The following PLB1 variants were observed in gnomAD, a reference collection of about 807,000 sequenced individuals.
PLB1 encodes phospholipase B1, membrane-associated.
In PLB1, 242 loss-of-function variants were observed where a neutral mutation model predicts 227.4. The observed-to-expected ratio is 1.06, with a 90% CI of 0.96 to 1.18. The LOEUF is 1.18. Ranked by LOEUF, PLB1 falls within the 50% of genes most tolerant of loss-of-function variation. PLB1 has a pLI of 0.00. For missense variants in PLB1, 1,858 were observed against 1,816.3 expected, an observed-to-expected ratio of 1.02 and a Z score of -0.42; for synonymous variants, 757 against 682.2, an observed-to-expected ratio of 1.11 and a Z score of -1.71.
chr2:28,549,582 A>AT (rs1673895659), intron 15 of PLB1, among the ~76,000 whole-genome samples: 2 of 151,520 alleles, frequency 1.3e-5, no homozygotes, highest in South Asian at 2.1e-4. Flanking sequence ...CACCCAGCTA[A>AT]TTTTTTTGTA....
At chr2:28,539,942 C>G (rs1040431940) in intron 11 of PLB1, among the ~76,000 whole-genome samples, 2 of 151,056 alleles carry the variant, frequency 1.3e-5, no homozygotes, top group Non-Finnish European at 3.0e-5. Flanking sequence ...CCCTCTATCC[C>G]ATAGCCACCC....
chr2:28,561,003 C>T (rs545247630), intron 17 of PLB1, among the ~76,000 whole-genome samples: 3 of 152,358 alleles, frequency 2.0e-5, no homozygotes, highest in African/African-American at 7.2e-5. Flanking sequence ...CCTCATCCTC[C>T]TGTTATTCCT....
intron 16 of PLB1, among the ~76,000 whole-genome samples, chr2:28,550,318 G>A (rs1306109995): frequency 1.3e-5 from 2 of 151,482 alleles, no homozygotes; most frequent in African/African-American, 4.9e-5. Flanking sequence ...GGCTACAGGC[G>A]CACACCACCA....
At chr2:28,520,296 T>C (rs1669350170) in intron 4 of PLB1, among the ~76,000 whole-genome samples, 1 of 152,020 alleles carries the variant, frequency 6.6e-6, no homozygotes, top group African/African-American at 2.4e-5. Flanking sequence ...ACTTTTGGGG[T>C]TTCCCATTAA....
At chr2:28,576,599 G>A (rs572404703) in intron 21 of PLB1, among the ~76,000 whole-genome samples, 1 of 152,096 alleles carries the variant, frequency 6.6e-6, no homozygotes, top group Admixed American at 6.6e-5. Flanking sequence ...GTGTGGTGGC[G>A]GGTGCCTGTA....
At chr2:28,620,680 C>T (rs778978432) in intron 48 of PLB1, 37 bp downstream of exon 48, 49 of 1,612,276 alleles carry the variant, frequency 3.0e-5, no homozygotes, top group South Asian at 5.5e-5. Context: ...TCACTGTGGC[C>T]GTCCTCCCTG....
At chr2:28,570,882 A>G (rs78188933) in intron 20 of PLB1, among the ~76,000 whole-genome samples, 12,057 of 152,290 alleles carry the variant, frequency 0.079, 673 homozygotes, top group Non-Finnish European at 0.12. Flanking sequence ...AGCTGACACC[A>G]TAGGCAATGG....
intron 21 of PLB1, among the ~76,000 whole-genome samples, chr2:28,575,634 G>A (rs1021951371): frequency 2.0e-5 from 3 of 152,114 alleles, no homozygotes; most frequent in East Asian, 3.9e-4. Context: ...GCAGTGGCGC[G>A]ATCTCCACTC....
At chr2:28,595,353 A>T (rs1220993215) in intron 33 of PLB1, 1 of 152,196 alleles carries the variant, frequency 6.6e-6, no homozygotes, top group African/African-American at 2.4e-5. Context: ...TGGAAGCTCT[A>T]GGTCGGGGTC....
intron 26 of PLB1, among the ~76,000 whole-genome samples, chr2:28,587,784 T>A (rs1387906904): frequency 6.6e-6 from 1 of 152,198 alleles, no homozygotes; most frequent in Non-Finnish European, 1.5e-5. Flanking sequence ...ACCCACGCCC[T>A]GGCTGCAAGA....
chr2:28,545,750 T>A (rs1673156252), intron 14 of PLB1, among the ~76,000 whole-genome samples: 1 of 152,142 alleles, frequency 6.6e-6, no homozygotes, highest in Admixed American at 6.5e-5. Flanking sequence ...TTTGCTGGGC[T>A]GGACTGGGAC....
chr2:28,518,588 C>G, intron 3 of PLB1, 56 bp downstream of exon 3: 1 of 1,325,594 alleles, frequency 7.5e-7, no homozygotes, highest in Non-Finnish European at 1.1e-6. Flanking sequence ...TCTGAAGTGG[C>G]CAGCAGAGGC....
chr2:28,523,702 A>T (rs1181517803), intron 4 of PLB1, among the ~76,000 whole-genome samples: 3 of 151,940 alleles, frequency 2.0e-5, no homozygotes, highest in Admixed American at 6.6e-5. Flanking sequence ...GTTCATTTGC[A>T]GGGGAGGGGT....
intron 33 of PLB1, chr2:28,594,165 CAT>C (rs770294039): frequency 3.5e-5 from 16 of 455,106 alleles, no homozygotes; most frequent in Non-Finnish European, 6.8e-5. Context: ...GCTGCCTTTA[CAT>C]ATATGTACAC....
intron 56 of PLB1, among the ~76,000 whole-genome samples, chr2:28,635,861 T>TGTATCTCCCCAGGTGCTGG (rs887571181): frequency 6.6e-6 from 1 of 152,218 alleles, no homozygotes; most frequent in Non-Finnish European, 1.5e-5. Context: ...AGCCAGTGTT[T>TGTATCTCCCCAGGTGCTGG]GTATCTCCCC....
intron 25 of PLB1, among the ~76,000 whole-genome samples, chr2:28,585,139 C>T (rs1680692877): frequency 6.6e-6 from 1 of 152,192 alleles, no homozygotes; most frequent in Non-Finnish European, 1.5e-5. Flanking sequence ...TTATTGTTGT[C>T]ACTGCAGTAT....
intron 14 of PLB1, among the ~76,000 whole-genome samples, chr2:28,545,164 CA>C (rs1033812908): frequency 5.3e-5 from 8 of 152,168 alleles, no homozygotes; most frequent in African/African-American, 1.9e-4. Flanking sequence ...GAGAGTGTCA[CA>C]AGGGCTTAGA....
intron 39 of PLB1, among the ~76,000 whole-genome samples, 160 bp from the exon 40 acceptor site, chr2:28,603,806 G>A (rs1252101807): frequency 6.6e-6 from 1 of 152,154 alleles, no homozygotes; most frequent in Admixed American, 6.5e-5. Context: ...CAGGCCTGAA[G>A]CCTGCCCCTG....
intron 12 of PLB1, among the ~76,000 whole-genome samples, chr2:28,540,962 G>T (rs1350732583): frequency 6.6e-6 from 1 of 152,150 alleles, no homozygotes; most frequent in Non-Finnish European, 1.5e-5. Context: ...CTTGAGGTCA[G>T]GAGTTCAAGA....
Sources: allele counts gnomAD v4.1 joint callset (sites outside exome capture counted in the v4.1 genomes callset), GRCh38; gene constraint gnomAD v4.1.1; transcripts MANE v1.5; gene names NCBI Gene and HGNC (gene_info 2026-07-23, HGNC 2026-07-21).